The following PRR29 variants were observed in gnomAD, a reference collection of about 807,000 sequenced individuals.
PRR29 encodes the protein proline rich 29, also known as proline-rich protein 29.
A neutral mutation model predicts 25.1 loss-of-function variants in PRR29; 20 were observed. The ratio of observed to expected loss-of-function variants is 0.80; its 90% confidence interval spans 0.56 to 1.16. The LOEUF (loss-of-function observed/expected upper bound fraction) is 1.16, where lower values mean the gene tolerates loss of function less well. Among genes scored for constraint, PRR29 ranks in the 50% most tolerant of loss-of-function variants. The pLI is 0.00. For missense variants in PRR29, 238 were observed against 246.6 expected (o/e 0.97, Z 0.23); for synonymous variants, 108 against 102.6 (o/e 1.05, Z -0.32).
Position 64,002,737 on chromosome 17 carries a change from C to T in PRR29, c.*976C>T. ...GACCACCGTGGTGGTGGCCATGCCA[C>T]TCATGGTTGCTATGGCCGGAAGGCC... is the stretch of plus-strand genomic sequence containing the variant. On this transcript the variant is annotated 3_prime_UTR_variant, in exon 6 of 6. Transcript: ENST00000412177. 3.1e-6 allele frequency: 5 copies of T among 1,609,184 alleles called. No homozygotes were observed. Among genetic ancestry groups the T allele is most frequent in the Non-Finnish European group, 4.2e-6 (5 of 1,178,728 alleles).
In PRR29 at chr17:64,002,666, AG is replaced by A; in HGVS notation, c.*906del. On this transcript the variant is annotated 3_prime_UTR_variant, in exon 6 of 6. Transcript: ENST00000412177. Reference sequence around the variant, plus strand: ...TCTCTGCTGCCTGTCACAGTCCTTCAGCCAGGGCTGGACCTCAACCCTGAGG... The same window carrying A: ...TCTCTGCTGCCTGTCACAGTCCTTCACCAGGGCTGGACCTCAACCCTGAGG... 7.7e-7 allele frequency: 1 copy of A among 1,303,610 alleles called. No homozygotes were observed. The highest frequency in any genetic ancestry group is 1.3e-5 in the South Asian group (1 of 76,012). The allele number at this position is 1,303,610 out of a possible 1,614,324, so 80.8% of individuals were successfully genotyped here. A position where few individuals can be genotyped will look rare whatever the true frequency, so the allele number is the denominator to read the frequency against.
Position 63,999,073 on chromosome 17 carries a change from A to C in PRR29, c.242A>C (p.Gln81Pro). 1 of 1,534,784 alleles carries C rather than the reference A, an allele frequency of 6.5e-7. No individual in the cohort carries two copies. The highest frequency in any genetic ancestry group is 8.7e-7 in the Non-Finnish European group (1 of 1,146,022). The change falls in exon 3 of 6, where the codon CAG becomes CCG. Residue 81 changes from glutamine to proline, a missense_variant and splice_region_variant. Gln to Pro is a moderately conservative substitution (Grantham distance 76, BLOSUM62 -1). Transcript: ENST00000412177. ...CCCCGGCCTGCCTCGCCCTGCCCTC[A>C]GGTGCGTGTGGGTGGGCCGCCGGGG... ...LQPRPASPCPQVYLEVPQEEP... is the reference protein window; with the variant it reads ...LQPRPASPCPPVYLEVPQEEP...
chr17:64,001,074 C>G lies in PRR29; in HGVS notation c.244-10C>G. The stretch of plus-strand genomic sequence containing the variant: ...TCTCATTTCCCCTCCCTGTTTTGCA[C>G]AATCCCCAGGTCTACCTGGAGGTTC... On this transcript the variant is annotated splice_polypyrimidine_tract_variant and intron_variant, in intron 3 of 5. Coordinates refer to ENST00000412177, the MANE Select transcript of PRR29 (RefSeq NM_001164257.2). 6.5e-7 allele frequency: 1 copy of G among 1,535,434 alleles called. No individual in the cohort carries two copies. Among genetic ancestry groups the G allele is most frequent in the Non-Finnish European group, 8.7e-7 (1 of 1,145,242 alleles).
rs1026103130 is a variant in PRR29, at chr17:64,001,874, C to T, written c.*113C>T. The T allele has an allele frequency of 2.0e-6, 3 of 1,536,672 alleles. No individual in the cohort carries two copies. In the Admixed American group the frequency reaches 5.9e-5, roughly 30 times the overall value. ...CCGGTGCCCATGGCTGGCAGTCCTT[C>T]TCACTCCCTCAACCTCAGCCAGGCC... On this transcript the variant is annotated 3_prime_UTR_variant, in exon 6 of 6. Coordinates refer to ENST00000412177, the MANE Select transcript of PRR29 (RefSeq NM_001164257.2).
intron 1 of PRR29, 119 bp downstream of exon 1, chr17:63,998,543 C>T: frequency 9.6e-6 from 12 of 1,252,626 alleles, no homozygotes; most frequent in Non-Finnish European, 1.1e-5. Flanking sequence ...AGCCCCAAAC[C>T]GAGAGGAAGA....
chr17:64,003,507 G>A lies in PRR29; in HGVS notation c.*1746G>A. 1 of 777,296 alleles carries A rather than the reference G, an allele frequency of 1.3e-6. No individual in the cohort carries two copies. The highest frequency in any genetic ancestry group is 2.6e-5 in the Admixed American group (1 of 38,522). 48.1% of individuals were successfully genotyped at this position (777,296 alleles called of 1,614,324 possible). ...CTTGGAAAGAACTTCAGGGAAGAGG[G>A]AGAGTAAGAGGGAAGCCTCAGGATG... is the stretch of plus-strand genomic sequence containing the variant. On this transcript the variant is annotated 3_prime_UTR_variant, in exon 6 of 6. Transcript: ENST00000412177.
chr17:64,002,899 T>A lies in PRR29; in HGVS notation c.*1138T>A. 1 of 1,612,976 alleles carries A rather than the reference T, an allele frequency of 6.2e-7. No individual in the cohort carries two copies. Among genetic ancestry groups the A allele is most frequent in the Middle Eastern group, 1.7e-4 (1 of 6,058 alleles). On this transcript the variant is annotated 3_prime_UTR_variant, in exon 6 of 6. Transcript: ENST00000412177. ...AACACCGACACCACCGTGACTATGA[T>A]GACCATCTGGCTGTCCGACACAGGC...
Position 64,003,011 on chromosome 17 carries a change from C to G in PRR29, c.*1250C>G. Reference sequence around the variant, plus strand: ...AGGGAGTGGAAGTCCACCCCCAACCCAGACCCCCAGACCCCGCCGCCCGCT... The same window carrying G: ...AGGGAGTGGAAGTCCACCCCCAACCGAGACCCCCAGACCCCGCCGCCCGCT... On this transcript the variant is annotated 3_prime_UTR_variant, in exon 6 of 6. Coordinates refer to ENST00000412177, the MANE Select transcript of PRR29 (RefSeq NM_001164257.2). 2 of 1,203,002 alleles carry G rather than the reference C, an allele frequency of 1.7e-6. No homozygotes were observed. Among genetic ancestry groups the G allele is most frequent in the South Asian group, 2.9e-5 (2 of 68,902 alleles). 74.5% of individuals were successfully genotyped at this position (1,203,002 alleles called of 1,614,324 possible). A position where few individuals can be genotyped will look rare whatever the true frequency, so the allele number is the denominator to read the frequency against.
chr17:64,001,503 A>T lies in PRR29; in HGVS notation c.507A>T (p.Thr169=). The change falls in exon 5 of 6, where the codon ACA becomes ACT. Residue 169 remains threonine, a synonymous_variant. Transcript: ENST00000412177. ...AVPPPPPPSA[T]GTVGADVPPA... is the part of the protein sequence containing the mutation. The stretch of plus-strand genomic sequence containing the variant: ...CCCCACCCCCACCCCCCAGTGCCAC[A>T]GGGACTGTGGGTGCTGATGTACCCC... The T allele has an allele frequency of 6.6e-7, 1 of 1,509,936 alleles. No homozygotes were observed. Among genetic ancestry groups the T allele is most frequent in the Non-Finnish European group, 8.8e-7 (1 of 1,133,840 alleles). 93.5% of individuals were successfully genotyped at this position (1,509,936 alleles called of 1,614,324 possible). A position where few individuals can be genotyped will look rare whatever the true frequency, so the allele number is the denominator to read the frequency against.
At chr17:64,000,331 T>G (rs1465060738) in intron 3 of PRR29, among the ~76,000 whole-genome samples, 1 of 152,188 alleles carries the variant, frequency 6.6e-6, no homozygotes, top group Non-Finnish European at 1.5e-5. Context: ...TTCTTTTCTT[T>G]TCTTTTTCTT....
In PRR29 at chr17:64,003,698, G is replaced by C. The variant is rs760476250; in HGVS notation, c.*1937G>C. 6.2e-7 allele frequency: 1 copy of C among 1,614,176 alleles called. No individual in the cohort carries two copies. On this transcript the variant is annotated 3_prime_UTR_variant, in exon 6 of 6. Coordinates refer to ENST00000412177, the MANE Select transcript of PRR29 (RefSeq NM_001164257.2). ...TGTTTGTGAAAGATGTTGCCACCGC[G>C]AGACATCAAGTCCAGCACAGCCAGG...
In PRR29 at chr17:64,001,968, T is replaced by C. The variant is rs1180190596; in HGVS notation, c.*207T>C. On this transcript the variant is annotated 3_prime_UTR_variant, in exon 6 of 6. Transcript: ENST00000412177. ...TCCTGGACGGGCCGGATCTGTGCTG[T>C]TGTGTAAGAGCTCCCTAGAGCACCA... 1.0e-5 allele frequency: 16 copies of C among 1,534,764 alleles called. No homozygotes were observed. The highest frequency in any genetic ancestry group is 1.4e-5 in the Non-Finnish European group (16 of 1,146,358).
intron 5 of PRR29, 21 bp downstream of exon 5, chr17:64,001,558 AG>A (rs1910753253): frequency 1.3e-6 from 2 of 1,511,024 alleles, no homozygotes; most frequent in Middle Eastern, 1.9e-4. Flanking sequence ...GGTGGTGGGC[AG>A]CGGGGCCCAG....
chr17:63,998,810 C>T (rs1334438020), intron 2 of PRR29, 28 bp downstream of exon 2: 1 of 1,158,506 alleles, frequency 8.6e-7, no homozygotes, highest in Admixed American at 2.0e-5. Context: ...CCCCACCCCA[C>T]CCCCACCATC....
chr17:64,000,966 A>G (rs1308951323), intron 3 of PRR29, 118 bp from the exon 4 acceptor site: 7 of 914,484 alleles, frequency 7.7e-6, no homozygotes, highest in Non-Finnish European at 1.2e-5. Flanking sequence ...ATGCCTGGCC[A>G]CAAGCCATTC....
chr17:64,002,586 G>A lies in PRR29; in HGVS notation c.*825G>A, dbSNP rs182165508. 5.0e-4 allele frequency: 334 copies of A among 666,014 alleles called. 2 individuals carry two copies. In the African/African-American group the frequency reaches 5.4e-3, roughly 11 times the overall value. 41.3% of individuals were successfully genotyped at this position (666,014 alleles called of 1,614,324 possible). A position where few individuals can be genotyped will look rare whatever the true frequency, so the allele number is the denominator to read the frequency against. On this transcript the variant is annotated 3_prime_UTR_variant, in exon 6 of 6. Coordinates refer to ENST00000412177, the MANE Select transcript of PRR29 (RefSeq NM_001164257.2). ...GTTATCCCAGGAGGAGACACTGTGG[G>A]CACAGGGCTAAGTCCAGGTGTTTGT...
At position 63,998,540 on chromosome 17, in the gene PRR29, A is replaced by G. The variant is rs1194769793; in HGVS notation, c.60+116A>G. On this transcript the variant is annotated intron_variant, in intron 1 of 5. Transcript: ENST00000412177. Reference sequence around the variant, plus strand: ...TGGGGGACGAGGAGAGACAGCCCCAAACCGAGAGGAAGAGGCGTGGCAGGG... The same window carrying G: ...TGGGGGACGAGGAGAGACAGCCCCAGACCGAGAGGAAGAGGCGTGGCAGGG... The G allele has an allele frequency of 5.6e-6, 7 of 1,241,322 alleles. No homozygotes were observed. In the South Asian group the frequency reaches 6.1e-5, roughly 11 times the overall value. The allele number at this position is 1,241,322 out of a possible 1,614,324, so 76.9% of individuals were successfully genotyped here. A position where few individuals can be genotyped will look rare whatever the true frequency, so the allele number is the denominator to read the frequency against.
rs1293833731 is a variant in PRR29, at chr17:64,002,627, G to A, written c.*866G>A. The stretch of plus-strand genomic sequence containing the variant: ...AGGTGTTTGTATTCGGGCTAGAAAA[G>A]GCAATGTCCCAAGTCTCTGCTGCCT... On this transcript the variant is annotated 3_prime_UTR_variant, in exon 6 of 6. Transcript: ENST00000412177. The A allele has an allele frequency of 2.3e-6, 2 of 867,170 alleles. No individual in the cohort carries two copies. The highest frequency in any genetic ancestry group is 1.7e-5 in the African/African-American group (1 of 59,244). The allele number at this position is 867,170 out of a possible 1,614,324, so 53.7% of individuals were successfully genotyped here. A position where few individuals can be genotyped will look rare whatever the true frequency, so the allele number is the denominator to read the frequency against.
At position 64,001,545 on chromosome 17, in the gene PRR29, T is replaced by C; in HGVS notation, c.541+8T>C. ...ATGTACCCCCGGCTTCAGGTAGGGCTGGGGTGGTGGGCAGCGGGGCCCAGG... is the reference window on the plus strand; with the variant it reads ...ATGTACCCCCGGCTTCAGGTAGGGCCGGGGTGGTGGGCAGCGGGGCCCAGG... On this transcript the variant is annotated splice_region_variant and intron_variant, in intron 5 of 5. Coordinates refer to ENST00000412177, the MANE Select transcript of PRR29 (RefSeq NM_001164257.2). The C allele has an allele frequency of 6.6e-7, 1 of 1,517,568 alleles. No individual in the cohort carries two copies. Among genetic ancestry groups the C allele is most frequent in the Non-Finnish European group, 8.8e-7 (1 of 1,138,806 alleles). The allele number at this position is 1,517,568 out of a possible 1,614,324, so 94.0% of individuals were successfully genotyped here.
Sources: gnomAD v4.1 joint callset for allele counts (sites outside exome capture counted in the v4.1 genomes callset) on GRCh38, gnomAD v4.1.1 for gene constraint, MANE v1.5 for transcripts, NCBI Gene and HGNC (gene_info 2026-07-23, HGNC 2026-07-21) for gene names.